CPQ: variants seen among roughly 807,000 people sequenced by gnomAD.
CPQ encodes the protein carboxypeptidase Q.
Under a neutral mutation model 45.7 loss-of-function variants are expected in CPQ, and 37 were observed. The ratio of observed to expected loss-of-function variants is 0.81; its 90% CI spans 0.62 to 1.07. CPQ has a LOEUF of 1.07. Among genes scored for constraint, CPQ ranks in the 50% least tolerant of loss-of-function variants. The pLI, the probability that CPQ is intolerant of heterozygous loss-of-function variation, is 0.00. For missense variants in CPQ, 537 were observed against 572.9 expected, an observed-to-expected ratio of 0.94 and a Z score of 0.64; for synonymous variants, 186 against 205.8, an observed-to-expected ratio of 0.90 and a Z score of 0.82.
chr8:96,783,935 A>G (rs1810723730), intron 1 of CPQ, among the ~76,000 whole-genome samples: 1 of 152,278 alleles, frequency 6.6e-6, no homozygotes, highest in African/African-American at 2.4e-5. Flanking sequence ...GTGGACTGGT[A>G]TGGCCCACAA....
chr8:97,108,865 T>C (rs886165747), intron 7 of CPQ, among the ~76,000 whole-genome samples: 1 of 152,154 alleles, frequency 6.6e-6, no homozygotes, highest in Non-Finnish European at 1.5e-5. Context: ...CACCACATTT[T>C]CTCAAGGACT....
At chr8:96,665,032 T>G (rs891793038) in intron 1 of CPQ, among the ~76,000 whole-genome samples, 3 of 152,188 alleles carry the variant, frequency 2.0e-5, no homozygotes, top group Non-Finnish European at 4.4e-5. Context: ...ACTCAGACTG[T>G]GGGGTACTTT....
chr8:96,722,895 G>A (rs1454027372), intron 1 of CPQ, among the ~76,000 whole-genome samples: 1 of 152,162 alleles, frequency 6.6e-6, no homozygotes, highest in African/African-American at 2.4e-5. Flanking sequence ...GACACATAGA[G>A]CTTCTTCTCA....
intron 1 of CPQ, among the ~76,000 whole-genome samples, chr8:96,757,241 C>T (rs1463978357): frequency 6.6e-6 from 1 of 151,780 alleles, no homozygotes; most frequent in African/African-American, 2.4e-5. Flanking sequence ...ATCCAAGCTA[C>T]TTGGGAGGCT....
At chr8:96,653,059 GTGACTGGGACTACAGGTGTGCCAC>G (rs1815596751) in intron 1 of CPQ, among the ~76,000 whole-genome samples, 1 of 152,110 alleles carries the variant, frequency 6.6e-6, no homozygotes, top group African/African-American at 2.4e-5. Flanking sequence ...AGCCTCCTAG[GTGACTGGGACTACAGGTGTGCCAC>G]TGGGCCTGGC....
At chr8:97,108,439 A>G (rs1811441897) in intron 7 of CPQ, among the ~76,000 whole-genome samples, 1 of 152,276 alleles carries the variant, frequency 6.6e-6, no homozygotes, top group South Asian at 2.1e-4. Context: ...TTAAAAATCA[A>G]TAAAAGAACT....
intron 4 of CPQ, among the ~76,000 whole-genome samples, chr8:96,881,358 G>C (rs193205179): frequency 3.2e-4 from 49 of 152,224 alleles, no homozygotes; most frequent in Non-Finnish European, 3.5e-4. Context: ...AGGAGCAGGA[G>C]CAAAGGGGAG....
At chr8:96,793,451 G>C (rs781311174) in intron 2 of CPQ, among the ~76,000 whole-genome samples, 2 of 151,558 alleles carry the variant, frequency 1.3e-5, no homozygotes, top group African/African-American at 2.4e-5. Context: ...TCACTATCAT[G>C]AGAACAGCAT....
At chr8:96,696,975 C>G (rs1809392945) in intron 1 of CPQ, among the ~76,000 whole-genome samples, 1 of 151,990 alleles carries the variant, frequency 6.6e-6, no homozygotes, top group Non-Finnish European at 1.5e-5. Context: ...CAAACTAGTC[C>G]AAAAAATAGA....
chr8:97,113,137 C>T (rs1016198937), intron 7 of CPQ, among the ~76,000 whole-genome samples: 3 of 152,082 alleles, frequency 2.0e-5, no homozygotes, highest in African/African-American at 7.2e-5. Context: ...GTGGGGGCAA[C>T]CAGGAGAGAG....
At chr8:96,791,410 T>C (rs1278928826) in intron 2 of CPQ, among the ~76,000 whole-genome samples, 1 of 152,202 alleles carries the variant, frequency 6.6e-6, no homozygotes, top group African/African-American at 2.4e-5. Flanking sequence ...TTCCCATTTC[T>C]TTCTCATTGT....
At chr8:96,921,844 C>T (rs540130328) in intron 4 of CPQ, among the ~76,000 whole-genome samples, 1 of 152,144 alleles carries the variant, frequency 6.6e-6, no homozygotes, top group East Asian at 1.9e-4. Flanking sequence ...AGTGCACTAT[C>T]TTATTCATAA....
At chr8:97,022,983 T>C (rs111344173) in intron 5 of CPQ, among the ~76,000 whole-genome samples, 8 of 146,188 alleles carry the variant, frequency 5.5e-5, no homozygotes, top group African/African-American at 2.0e-4. Flanking sequence ...ATACTGTATA[T>C]AGTATATATA....
At position 97,066,199 on chromosome 8, in the gene CPQ, C is replaced by T. The variant is rs780021360; in HGVS notation, c.1244C>T (p.Ala415Val). Reference sequence around the variant, plus strand: ...ACAGACATCAACTTTTGGATCCAAGCTGGAGTGCCTGGTAAGACCAAAAGA... The same window carrying T: ...ACAGACATCAACTTTTGGATCCAAGTTGGAGTGCCTGGTAAGACCAAAAGA... ...EGTDINFWIQ[A>V]GVPGASLLDD... is the part of the protein sequence containing the mutation. Residue 415 changes from alanine (A) to valine (V), a missense_variant, in exon 7 of 8, where the codon GCT becomes GTT. Physicochemically the swap from Ala to Val is moderately conservative, Grantham distance 64. Coordinates refer to ENST00000220763, the MANE Select transcript of CPQ (RefSeq NM_016134.4). 8 of 1,609,034 alleles carry T rather than the reference C, an allele frequency of 5.0e-6. No individual in the cohort carries two copies. The highest frequency in any genetic ancestry group is 6.8e-6 in the Non-Finnish European group (8 of 1,178,694).
chr8:96,695,209 T>A (rs113646927), intron 1 of CPQ, among the ~76,000 whole-genome samples: 4 of 149,148 alleles, frequency 2.7e-5, no homozygotes, highest in South Asian at 2.1e-4. Flanking sequence ...CTATTTAATA[T>A]ATGGTGCTGG....
chr8:97,005,050 C>T (rs1429114768), intron 5 of CPQ, among the ~76,000 whole-genome samples: 1 of 151,172 alleles, frequency 6.6e-6, no homozygotes, highest in Non-Finnish European at 1.5e-5. Flanking sequence ...GATTGGGAAG[C>T]TTGTGAATTT....
chr8:96,694,826 A>T (rs1809351094), intron 1 of CPQ, among the ~76,000 whole-genome samples: 1 of 152,242 alleles, frequency 6.6e-6, no homozygotes, highest in Non-Finnish European at 1.5e-5. Flanking sequence ...GAAAAACTTC[A>T]AATAAACAAA....
chr8:97,115,243 GAATCTAATT>G (rs2130598984), intron 7 of CPQ, among the ~76,000 whole-genome samples: 1 of 152,302 alleles, frequency 6.6e-6, no homozygotes, highest in East Asian at 1.9e-4. Flanking sequence ...GTGCATGACA[GAATCTAATT>G]ACCAAGATAA....
At position 96,868,750 on chromosome 8, in the gene CPQ, A is replaced by C. The variant is rs544011666; in HGVS notation, c.642-11048A>C. On this transcript the variant is annotated intron_variant, in intron 3 of 7. Transcript: ENST00000220763. ...CTGTGTATAAAACTTTATATTGCTTATCATAGTTTACATACAACTTGACAT... is the reference window on the plus strand; with the variant it reads ...CTGTGTATAAAACTTTATATTGCTTCTCATAGTTTACATACAACTTGACAT... Among the ~76,000 whole-genome samples, 8 of 152,062 alleles carry C rather than the reference A, an allele frequency of 5.3e-5. No individual in the cohort carries two copies. In the South Asian group the frequency reaches 1.7e-3, roughly 31 times the overall value.
Sources: gnomAD v4.1 joint callset for allele counts (sites outside exome capture counted in the v4.1 genomes callset) on GRCh38, gnomAD v4.1.1 for gene constraint, MANE v1.5 for transcripts, NCBI Gene and HGNC (gene_info 2026-07-23, HGNC 2026-07-21) for gene names.